The following RNASEH2B variants were observed in gnomAD, a reference collection of about 807,000 sequenced individuals.
RNASEH2B encodes Aicardi-Goutieres syndrome 2 protein.
A neutral mutation model predicts 45.0 loss-of-function variants in RNASEH2B; 36 were observed. The ratio of observed to expected loss-of-function variants is 0.80; its 90% confidence interval spans 0.61 to 1.06. The LOEUF is 1.06. Ranked by LOEUF, RNASEH2B falls within the 50% of genes least tolerant of loss-of-function variation. The pLI, the probability that RNASEH2B is intolerant of heterozygous loss-of-function variation, is 0.00. For missense variants in RNASEH2B, 361 were observed against 360.3 expected (o/e 1.00, Z -0.02); for synonymous variants, 119 against 125.7 (o/e 0.95, Z 0.35).
At chr13:50,932,548 C>T (rs1951693432) in intron 4 of RNASEH2B, among the ~76,000 whole-genome samples, 1 of 152,180 alleles carries the variant, frequency 6.6e-6, no homozygotes. Context: ...GTTTTACCCA[C>T]CATTGCATTT....
rs753266057 is a variant in RNASEH2B, at chr13:50,949,520, C to A, written c.741+15C>A. 1 of 1,610,068 alleles carries A rather than the reference C, an allele frequency of 6.2e-7. No homozygotes were observed. Among genetic ancestry groups the A allele is most frequent in the Non-Finnish European group, 8.5e-7 (1 of 1,176,436 alleles). On this transcript the variant is annotated intron_variant, in intron 9 of 10. Coordinates refer to ENST00000336617, the MANE Select transcript of RNASEH2B (RefSeq NM_024570.4). ...CTCCATCAAAGGTAAGAAGCTGTGA[C>A]TAAGATATCTTTGGGGGACTTAGAA...
intron 9 of RNASEH2B, 89 bp downstream of exon 9, chr13:50,949,594 A>C: frequency 8.3e-7 from 1 of 1,204,740 alleles, no homozygotes; most frequent in Non-Finnish European, 1.2e-6. Context: ...AATATATTTT[A>C]AGGTGTACTA....
At chr13:50,932,891 T>C (rs1951698216) in intron 4 of RNASEH2B, among the ~76,000 whole-genome samples, 1 of 152,252 alleles carries the variant, frequency 6.6e-6, no homozygotes, top group South Asian at 2.1e-4. Context: ...ATGTTTTCTC[T>C]TGATGCAGCT....
At chr13:50,953,301 G>A (rs1174651502) in intron 9 of RNASEH2B, 1 of 153,352 alleles carries the variant, frequency 6.5e-6, no homozygotes, top group East Asian at 1.9e-4. Flanking sequence ...AGTTGCATTG[G>A]GCCTAATGGA....
At chr13:50,956,194 T>C (rs1470834927) in intron 10 of RNASEH2B, 164 bp from the exon 11 acceptor site, 2 of 608,802 alleles carry the variant, frequency 3.3e-6, no homozygotes, top group Non-Finnish European at 5.8e-6. Flanking sequence ...TAGGTCTGAA[T>C]TCTGAATAGA....
intron 1 of RNASEH2B, chr13:50,912,588 C>G (rs555740112): frequency 1.3e-5 from 2 of 152,178 alleles, no homozygotes; most frequent in African/African-American, 2.4e-5. Flanking sequence ...GTCGTCTTTT[C>G]CAGAAGATGA....
At chr13:50,932,979 C>T (rs1355490913) in intron 4 of RNASEH2B, among the ~76,000 whole-genome samples, 2 of 152,212 alleles carry the variant, frequency 1.3e-5, no homozygotes, top group Non-Finnish European at 2.9e-5. Flanking sequence ...TTCGTTTAAT[C>T]ATGTGTCCCA....
At chr13:50,921,623 A>T (rs1345825525) in intron 1 of RNASEH2B, among the ~76,000 whole-genome samples, 1 of 152,240 alleles carries the variant, frequency 6.6e-6, no homozygotes, top group Non-Finnish European at 1.5e-5. Context: ...TACCAGGTAT[A>T]GACTAAGGAA....
At chr13:50,926,181 GTCACTA>G (rs1221068556) in intron 1 of RNASEH2B, among the ~76,000 whole-genome samples, 1 of 151,802 alleles carries the variant, frequency 6.6e-6, no homozygotes, top group African/African-American at 2.4e-5. Context: ...GATACTTAAT[GTCACTA>G]TTAGTTTAAG....
chr13:50,927,504 T>C, intron 2 of RNASEH2B, 26 bp downstream of exon 2: 1 of 1,387,528 alleles, frequency 7.2e-7, no homozygotes, highest in Non-Finnish European at 1.0e-6. Flanking sequence ...ATAACTTGAA[T>C]GTTCTTAAAT....
intron 4 of RNASEH2B, 21 bp from the exon 5 acceptor site, chr13:50,934,864 T>C: frequency 6.7e-7 from 1 of 1,493,772 alleles, no homozygotes; most frequent in African/African-American, 1.4e-5. Flanking sequence ...ATGCTTGCTT[T>C]CCAACTAACT....
chr13:50,925,088 A>T, intron 1 of RNASEH2B, among the ~76,000 whole-genome samples: 1 of 149,796 alleles, frequency 6.7e-6, no homozygotes, highest in South Asian at 2.1e-4. Context: ...TTTTTTCTTC[A>T]ATTTTTTTCT....
intron 5 of RNASEH2B, chr13:50,941,736 A>G (rs1951835381): frequency 6.6e-6 from 1 of 152,232 alleles, no homozygotes; most frequent in African/African-American, 2.4e-5. Context: ...GCTTTGGCTT[A>G]CAGTAGGCTG....
intron 5 of RNASEH2B, chr13:50,935,289 A>C (rs1951733508): frequency 2.4e-6 from 1 of 419,772 alleles, no homozygotes; most frequent in African/African-American, 2.0e-5. Context: ...CAGGCAAGTC[A>C]CTCAGCTGCC....
intron 5 of RNASEH2B, among the ~76,000 whole-genome samples, chr13:50,939,875 C>T (rs1470658888): frequency 1.3e-5 from 2 of 152,066 alleles, no homozygotes; most frequent in African/African-American, 2.4e-5. Context: ...TTTCTTAGGA[C>T]ACAAAACCCA....
chr13:50,930,417 G>A (rs1205909918), intron 3 of RNASEH2B, among the ~76,000 whole-genome samples: 1 of 152,162 alleles, frequency 6.6e-6, no homozygotes, highest in Non-Finnish European at 1.5e-5. Flanking sequence ...GATTTCTAAA[G>A]AAGAAATGGA....
At position 50,956,594 on chromosome 13, in the gene RNASEH2B, A is replaced by G; in HGVS notation, c.*120A>G. On this transcript the variant is annotated 3_prime_UTR_variant, in exon 11 of 11. Transcript: ENST00000336617. Reference sequence around the variant, plus strand: ...GAAGAGGCCAATTTCATGTTCTCTTAAACATTTCTTTGCATTTGGTTTTTG... The same window carrying G: ...GAAGAGGCCAATTTCATGTTCTCTTGAACATTTCTTTGCATTTGGTTTTTG... 6.7e-7 allele frequency: 1 copy of G among 1,495,366 alleles called. No homozygotes were observed. Among genetic ancestry groups the G allele is most frequent in the Non-Finnish European group, 8.9e-7 (1 of 1,120,160 alleles). 92.6% of individuals were successfully genotyped at this position (1,495,366 alleles called of 1,614,324 possible).
At chr13:50,911,380 A>G (rs756713042) in intron 1 of RNASEH2B, 1 of 152,230 alleles carries the variant, frequency 6.6e-6, no homozygotes, top group African/African-American at 2.4e-5. Flanking sequence ...GAGTATCCAT[A>G]CTATGTATCT....
intron 6 of RNASEH2B, 142 bp from the exon 7 acceptor site, chr13:50,945,285 C>A: frequency 1.5e-6 from 1 of 658,652 alleles, no homozygotes; most frequent in Non-Finnish European, 2.8e-6. Flanking sequence ...TTCTCATCTT[C>A]TGGTGTCTGG....
Sources: gnomAD v4.1 joint callset for allele counts (sites outside exome capture counted in the v4.1 genomes callset) on GRCh38, gnomAD v4.1.1 for gene constraint, MANE v1.5 for transcripts, NCBI Gene and HGNC (gene_info 2026-07-23, HGNC 2026-07-21) for gene names.